The following MAGI1 variants were observed in gnomAD, a reference collection of about 807,000 sequenced individuals.
MAGI1 encodes membrane-associated guanylate kinase, WW and PDZ domain-containing protein 1.
A neutral mutation model predicts 139.9 loss-of-function variants in MAGI1; 58 were observed. That is an observed-to-expected ratio of 0.41 (90% confidence interval 0.34 to 0.52). The LOEUF (loss-of-function observed/expected upper bound fraction) is 0.52. Ranked by LOEUF, MAGI1 falls within the 20% of genes least tolerant of loss-of-function variation. The pLI, the probability that MAGI1 is intolerant of heterozygous loss-of-function variation, is 0.12. For missense variants in MAGI1, 1,874 were observed against 1,901.6 expected, an observed-to-expected ratio of 0.99 and a Z score of 0.27; for synonymous variants, 812 against 737.9, an observed-to-expected ratio of 1.10 and a Z score of -1.63.
intron 1 of MAGI1, among the ~76,000 whole-genome samples, chr3:65,831,752 G>A (rs1046903353): frequency 5.9e-5 from 9 of 152,154 alleles, no homozygotes; most frequent in African/African-American, 2.2e-4. Context: ...TTGTGTGAAT[G>A]GAAGTTTTAG....
At chr3:65,696,394 G>C (rs970219379) in intron 1 of MAGI1, among the ~76,000 whole-genome samples, 2 of 151,632 alleles carry the variant, frequency 1.3e-5, no homozygotes, top group Admixed American at 6.6e-5. Context: ...CTTTATATTG[G>C]ATTTTATCCA....
intron 2 of MAGI1, among the ~76,000 whole-genome samples, chr3:65,536,161 A>C (rs1194038835): frequency 6.6e-6 from 1 of 152,210 alleles, no homozygotes; most frequent in East Asian, 1.9e-4. Flanking sequence ...TGTCTGTTAC[A>C]TACATATATA....
At chr3:65,380,833 G>GTA (rs905601014) in intron 16 of MAGI1, 1 of 152,120 alleles carries the variant, frequency 6.6e-6, no homozygotes, top group Non-Finnish European at 1.5e-5. Context: ...ACATGGAATA[G>GTA]TATGTTAAGA....
chr3:65,828,420 T>C (rs1427986971), intron 1 of MAGI1, among the ~76,000 whole-genome samples: 2 of 152,196 alleles, frequency 1.3e-5, no homozygotes, highest in Non-Finnish European at 2.9e-5. Context: ...ACTGTTGTAG[T>C]TCTCCAGGGT....
chr3:65,930,832 T>C (rs1156809540), intron 1 of MAGI1, among the ~76,000 whole-genome samples: 2 of 152,146 alleles, frequency 1.3e-5, no homozygotes, highest in Admixed American at 6.6e-5. Context: ...ACAAATGCCA[T>C]GGCAACGTCA....
Position 65,356,361 on chromosome 3 carries a change from G to A in MAGI1, c.*17C>T. 1 of 1,556,232 alleles carries A rather than the reference G, an allele frequency of 6.4e-7. No homozygotes were observed. The highest frequency in any genetic ancestry group is 8.6e-7 in the Non-Finnish European group (1 of 1,159,354). ...AGAACCTTTGACACGGTAAAGGTTG[G>A]AATGTGACTCAGCGTCTCAGATACT... On this transcript the variant is annotated 3_prime_UTR_variant, in exon 23 of 23. Transcript: ENST00000402939.
intron 2 of MAGI1, among the ~76,000 whole-genome samples, chr3:65,496,169 G>A (rs1559607899): frequency 6.6e-6 from 1 of 151,646 alleles, no homozygotes; most frequent in Non-Finnish European, 1.5e-5. Flanking sequence ...AGCCTCCTGA[G>A]TAGTTAGGAC....
intron 1 of MAGI1, among the ~76,000 whole-genome samples, chr3:66,033,194 G>A (rs554157209): frequency 8.5e-5 from 13 of 152,062 alleles, no homozygotes; most frequent in African/African-American, 3.1e-4. Flanking sequence ...CGCCCAGCTA[G>A]TTTATGTATT....
chr3:65,884,567 C>T (rs897787925), intron 1 of MAGI1, among the ~76,000 whole-genome samples: 62 of 152,148 alleles, frequency 4.1e-4, no homozygotes, highest in African/African-American at 1.5e-3. Flanking sequence ...ACTAATTTTG[C>T]TATCAAATGA....
At chr3:65,921,728 A>T (rs745471934) in intron 1 of MAGI1, among the ~76,000 whole-genome samples, 1 of 152,050 alleles carries the variant, frequency 6.6e-6, no homozygotes, top group Non-Finnish European at 1.5e-5. Context: ...CACAAAATCA[A>T]TCAAAGGAGA....
At chr3:65,697,362 TA>T (rs1231265905) in intron 1 of MAGI1, among the ~76,000 whole-genome samples, 2 of 149,482 alleles carry the variant, frequency 1.3e-5, no homozygotes, top group Non-Finnish European at 3.0e-5. Context: ...GAATCCTCCC[TA>T]ACTCATTTTA....
intron 3 of MAGI1, among the ~76,000 whole-genome samples, chr3:65,491,142 G>C (rs944200176): frequency 6.6e-6 from 1 of 152,166 alleles, no homozygotes. Flanking sequence ...TTATATCTAG[G>C]ATATTCTTCG....
intron 1 of MAGI1, among the ~76,000 whole-genome samples, chr3:65,804,924 A>G (rs2040753593): frequency 6.6e-6 from 1 of 152,210 alleles, no homozygotes; most frequent in African/African-American, 2.4e-5. Context: ...TACACCTTAT[A>G]CAAAAATTAA....
intron 1 of MAGI1, among the ~76,000 whole-genome samples, chr3:65,628,473 C>T (rs2084104070): frequency 6.6e-6 from 1 of 152,082 alleles, no homozygotes; most frequent in African/African-American, 2.4e-5. Flanking sequence ...CACACATTCC[C>T]CAAAGAACCC....
intron 2 of MAGI1, among the ~76,000 whole-genome samples, chr3:65,594,733 C>A (rs1276365807): frequency 1.3e-5 from 2 of 151,962 alleles, no homozygotes; most frequent in Admixed American, 1.3e-4. Flanking sequence ...ACTAAATGAA[C>A]AGAATTTTGT....
intron 1 of MAGI1, among the ~76,000 whole-genome samples, chr3:65,709,190 T>C (rs1228899624): frequency 2.0e-5 from 3 of 152,230 alleles, no homozygotes; most frequent in African/African-American, 7.2e-5. Context: ...TCATTCTCGC[T>C]TGGTTTTTTC....
At chr3:65,996,713 G>C (rs2107405386) in intron 1 of MAGI1, among the ~76,000 whole-genome samples, 1 of 152,352 alleles carries the variant, frequency 6.6e-6, no homozygotes, top group South Asian at 2.1e-4. Context: ...TCTCTGCCAG[G>C]TAAAGCAATA....
chr3:65,676,454 AT>A (rs540194996), intron 1 of MAGI1, among the ~76,000 whole-genome samples: 1 of 152,120 alleles, frequency 6.6e-6, no homozygotes, highest in African/African-American at 2.4e-5. Flanking sequence ...GAATCCTCAG[AT>A]TTTTTTTAAA....
At chr3:65,734,505 G>GAGAGAGAGAGAA (rs2034519692) in intron 1 of MAGI1, among the ~76,000 whole-genome samples, 1 of 140,398 alleles carries the variant, frequency 7.1e-6, no homozygotes, top group Non-Finnish European at 1.5e-5. Context: ...GAAAGAGGAA[G>GAGAGAGAGAGAA]AGAGAGAAAG....
Sources: allele counts gnomAD v4.1 joint callset (sites outside exome capture counted in the v4.1 genomes callset), GRCh38; gene constraint gnomAD v4.1.1; transcripts MANE v1.5; gene names NCBI Gene and HGNC (gene_info 2026-07-23, HGNC 2026-07-21).